CUX2: variants seen among roughly 807,000 people sequenced by gnomAD.
CUX2 encodes the protein cut like homeobox 2, also known as homeobox protein cut-like 2.
CUX2 carries 40 observed loss-of-function variants against 144.8 expected under a neutral mutation model. The ratio of observed to expected loss-of-function variants is 0.28; its 90% CI spans 0.21 to 0.36. CUX2 has a LOEUF of 0.36. CUX2 is among the 10% of genes least tolerant of loss of function. The pLI is 1.00. For synonymous variants in CUX2, 827 were observed against 875.6 expected (o/e 0.94, Z 0.98); for missense variants, 1,615 against 1,994.0 (o/e 0.81, Z 3.62).
intron 1 of CUX2, among the ~76,000 whole-genome samples, chr12:111,185,892 T>C (rs907339195): frequency 6.6e-6 from 1 of 152,024 alleles, no homozygotes; most frequent in African/African-American, 2.4e-5. Flanking sequence ...AGTTGGTCTC[T>C]CATTCTCCCT....
intron 18 of CUX2, among the ~76,000 whole-genome samples, chr12:111,328,617 T>A (rs560427998): frequency 2.7e-5 from 4 of 149,680 alleles, no homozygotes; most frequent in African/African-American, 7.5e-5. Flanking sequence ...TGTGTGTGTG[T>A]GTGACAGAGT....
At chr12:111,094,653 A>G (rs1050323204) in intron 1 of CUX2, among the ~76,000 whole-genome samples, 1 of 152,046 alleles carries the variant, frequency 6.6e-6, no homozygotes, top group Non-Finnish European at 1.5e-5. Flanking sequence ...GTGTGCCACC[A>G]TGTCTGGCTA....
intron 19 of CUX2, among the ~76,000 whole-genome samples, chr12:111,336,932 T>A (rs371853072): frequency 6.6e-6 from 1 of 151,830 alleles, no homozygotes; most frequent in African/African-American, 2.4e-5. Flanking sequence ...CCCAGCACTT[T>A]GGGAGGCCGA....
In CUX2 at chr12:111,263,663, C is replaced by T. The variant is rs1565879909; in HGVS notation, c.223-98C>T. 1.3e-5 allele frequency: 12 copies of T among 943,000 alleles called. No homozygotes were observed. The highest frequency in any genetic ancestry group is 1.4e-5 in the Non-Finnish European group (8 of 589,342). The allele number at this position is 943,000 out of a possible 1,614,324, so 58.4% of individuals were successfully genotyped here. A position where few individuals can be genotyped will look rare whatever the true frequency, so the allele number is the denominator to read the frequency against. Reference sequence around the variant, plus strand: ...AACAAAACAAAACAAAACAAAAAACCTGCAGATGTTTTCTTGTGGAAAAAA... The same window carrying T: ...AACAAAACAAAACAAAACAAAAAACTTGCAGATGTTTTCTTGTGGAAAAAA... On this transcript the variant is annotated intron_variant, in intron 3 of 21. Transcript: ENST00000261726. This position sits in a 1 kb window ranked among gnomAD's most constrained non-coding sequence, Gnocchi z 4.0.
At chr12:111,154,834 G>C (rs1488247612) in intron 1 of CUX2, among the ~76,000 whole-genome samples, 3 of 152,156 alleles carry the variant, frequency 2.0e-5, no homozygotes, top group Non-Finnish European at 4.4e-5. Context: ...AGAATGGGTG[G>C]GATGTTGGAC....
chr12:111,255,753 A>T lies in CUX2; in HGVS notation c.223-8008A>T, dbSNP rs554143327. On this transcript the variant is annotated intron_variant, in intron 3 of 21. Coordinates refer to ENST00000261726, the MANE Select transcript of CUX2 (RefSeq NM_015267.4). The surrounding 1 kb of genome is among the most constrained non-coding windows in gnomAD (Gnocchi z 4.1). ...CAGTACATAGCACAGTGCCTGGCAC[A>T]GAGTCAGTGCTCAGTAGTCACTGTT... Among the ~76,000 whole-genome samples, 1 of 152,364 alleles carries T rather than the reference A, an allele frequency of 6.6e-6. No individual in the cohort carries two copies. The highest frequency in any genetic ancestry group is 2.4e-5 in the African/African-American group (1 of 41,586).
chr12:111,320,356 G>A lies in CUX2; in HGVS notation c.2347G>A (p.Gly783Ser), dbSNP rs200046675. The change falls in exon 17 of 22, where the codon GGC becomes AGC. Residue 783 changes from glycine to serine, a missense_variant. By Grantham distance (56) the Gly-to-Ser change is moderately conservative (BLOSUM62 0). Coordinates refer to ENST00000261726, the MANE Select transcript of CUX2 (RefSeq NM_015267.4). This position sits in a 1 kb window ranked among gnomAD's most constrained non-coding sequence, Gnocchi z 8.1. ...GGTCAAGTCCGAGATCGGCGACGCCGGCTACTTCGACCACCACTGGGCCTC... is the reference window on the plus strand; with the variant it reads ...GGTCAAGTCCGAGATCGGCGACGCCAGCTACTTCGACCACCACTGGGCCTC... ...RKVKSEIGDAGYFDHHWASDR... is the reference protein window; with the variant it reads ...RKVKSEIGDASYFDHHWASDR... 62 of 1,598,016 alleles carry A rather than the reference G, an allele frequency of 3.9e-5. No homozygotes were observed. Among genetic ancestry groups the A allele is most frequent in the Non-Finnish European group, 4.7e-5 (56 of 1,179,162 alleles).
At chr12:111,259,040 T>TGTGTGTGTGC (rs1883976714) in intron 3 of CUX2, among the ~76,000 whole-genome samples, 1 of 129,824 alleles carries the variant, frequency 7.7e-6, no homozygotes, top group African/African-American at 4.5e-5. Context: ...GCTGTGTGTG[T>TGTGTGTGTGC]GTGTGTGTGT....
intron 1 of CUX2, among the ~76,000 whole-genome samples, chr12:111,201,943 C>T (rs1880620144): frequency 6.6e-6 from 1 of 152,150 alleles, no homozygotes; most frequent in Non-Finnish European, 1.5e-5. Flanking sequence ...CTCAGGGACT[C>T]GTTTTCCCAG....
rs143203042 is a variant in CUX2, at chr12:111,328,491, A to C, written c.2926+5911A>C. On this transcript the variant is annotated intron_variant, in intron 18 of 21. Transcript: ENST00000261726. Reference sequence around the variant, plus strand: ...CCGAGGTTTCTCAGAATTCTCAAGCAGTCAAGGAAGCCCTGTCCTGTCCCC... The same window carrying C: ...CCGAGGTTTCTCAGAATTCTCAAGCCGTCAAGGAAGCCCTGTCCTGTCCCC... Among the ~76,000 whole-genome samples the C allele has an allele frequency of 3.9e-3, 590 of 152,168 alleles. 3 individuals are homozygous for C. The highest frequency in any genetic ancestry group is 0.014 in the African/African-American group (575 of 41,500).
chr12:111,286,635 G>A (rs1053828211), intron 4 of CUX2, among the ~76,000 whole-genome samples: 4 of 152,106 alleles, frequency 2.6e-5, no homozygotes, highest in East Asian at 1.9e-4. Context: ...CGCATTGGGA[G>A]GCCAAGGCAG....
intron 1 of CUX2, among the ~76,000 whole-genome samples, chr12:111,073,683 G>T (rs1346349001): frequency 6.6e-6 from 1 of 152,070 alleles, no homozygotes; most frequent in East Asian, 1.9e-4. Context: ...CCGGGGGCTG[G>T]TCATGGTGGC....
At chr12:111,162,895 A>G (rs530038097) in intron 1 of CUX2, among the ~76,000 whole-genome samples, 17 of 151,878 alleles carry the variant, frequency 1.1e-4, no homozygotes, top group Admixed American at 2.0e-4. Flanking sequence ...AAAATACAAA[A>G]CCTAGCCAGG....
At chr12:111,260,813 T>C (rs1015844267) in intron 3 of CUX2, among the ~76,000 whole-genome samples, 11 of 152,190 alleles carry the variant, frequency 7.2e-5, no homozygotes, top group Non-Finnish European at 1.6e-4. Context: ...CCACCCTTGC[T>C]CAGTCTCTCA....
intron 1 of CUX2, among the ~76,000 whole-genome samples, chr12:111,157,016 CAG>C (rs889306837): frequency 4.2e-5 from 4 of 95,500 alleles, no homozygotes; most frequent in African/African-American, 1.8e-4. Flanking sequence ...AAAACAGAAA[CAG>C]AAACAAAAAA....
rs60528105 is a variant in CUX2, at chr12:111,317,407, C to CATAT, written c.2003-2596_2003-2593dup. 3.6e-3 allele frequency among the ~76,000 whole-genome samples: 548 copies of CATAT among 151,692 alleles called. 3 individuals are homozygous for CATAT. Among genetic ancestry groups the CATAT allele is most frequent in the African/African-American group, 0.013 (518 of 41,272 alleles). On this transcript the variant is annotated intron_variant, in intron 16 of 21. Transcript: ENST00000261726. ...CTGTGTGTATGTGTGTACACACGTG[C>CATAT]ATATATATATATGTGTATATATGTG...
rs1886643658 is a variant in CUX2 at position 111,307,435 on chromosome 12, T to A, written c.1109+178T>A. On this transcript the variant is annotated intron_variant, in intron 12 of 21. Transcript: ENST00000261726. The surrounding 1 kb of genome is among the most constrained non-coding windows in gnomAD (Gnocchi z 4.1). ...CAGGTGCAGTGGCTCATCCCTGTAA[T>A]CCCAACACTTTGGGAGGCCCAGGCA... 6.6e-6 allele frequency among the ~76,000 whole-genome samples: 1 copy of A among 152,136 alleles called. No individual in the cohort carries two copies. The highest frequency in any genetic ancestry group is 1.5e-5 in the Non-Finnish European group (1 of 68,014).
chr12:111,078,317 G>C (rs1871647812), intron 1 of CUX2, among the ~76,000 whole-genome samples: 1 of 152,156 alleles, frequency 6.6e-6, no homozygotes, highest in Admixed American at 6.6e-5. Flanking sequence ...GGCATGCTGA[G>C]CATTGGGAGG....
chr12:111,193,682 TG>T (rs1250919262), intron 1 of CUX2, among the ~76,000 whole-genome samples: 1 of 152,130 alleles, frequency 6.6e-6, no homozygotes, highest in Admixed American at 6.5e-5. Context: ...GCTGGAGGTG[TG>T]GGGGCTGCGG....
Sources: gnomAD v4.1 joint callset for allele counts (sites outside exome capture counted in the v4.1 genomes callset) on GRCh38, gnomAD v4.1.1 for gene constraint, Gnocchi (gnomAD v3.1) non-coding constraint, MANE v1.5 for transcripts, NCBI Gene and HGNC (gene_info 2026-07-23, HGNC 2026-07-21) for gene names.